The following TSEN2 variants were observed in gnomAD, a reference collection of about 807,000 sequenced individuals.
TSEN2 encodes the protein tRNA splicing endonuclease subunit 2.
In TSEN2, 54 loss-of-function variants were observed where a neutral mutation model predicts 59.2. That is an observed-to-expected ratio of 0.91 (90% confidence interval 0.73 to 1.14). TSEN2 has a LOEUF of 1.14. Among genes scored for constraint, TSEN2 ranks in the 50% most tolerant of loss-of-function variants. TSEN2 has a pLI of 0.00. For missense variants in TSEN2, 636 were observed against 576.2 expected (o/e 1.10, Z -1.06); for synonymous variants, 195 against 198.2 (o/e 0.98, Z 0.14).
intron 4 of TSEN2, among the ~76,000 whole-genome samples, chr3:12,498,505 A>G (rs567482723): frequency 1.2e-4 from 19 of 152,104 alleles, no homozygotes; most frequent in Non-Finnish European, 2.2e-4. Flanking sequence ...TCCCTTTGCC[A>G]TACTTTGATC....
chr3:12,494,413 TCTCA>T (rs2053536511), intron 3 of TSEN2, among the ~76,000 whole-genome samples: 1 of 151,862 alleles, frequency 6.6e-6, no homozygotes, highest in Non-Finnish European at 1.5e-5. Context: ...GAGACAAGAG[TCTCA>T]CTCACTCTGT....
At chr3:12,522,032 TAAAAAA>T (rs1471671915) in intron 8 of TSEN2, among the ~76,000 whole-genome samples, 2 of 152,024 alleles carry the variant, frequency 1.3e-5, no homozygotes, top group African/African-American at 4.8e-5. Context: ...AAAATAAAAA[TAAAAAA>T]TAAAAATTAA....
Position 12,529,035 on chromosome 3 carries a change from T to C in TSEN2, c.1136+111T>C. ...AACAAAAGTCATGTTCTTCCTGGCC[T>C]GATACGAATAGATGCTATATGTTCA... On this transcript the variant is annotated intron_variant, in intron 9 of 11. Coordinates refer to ENST00000284995, the MANE Select transcript of TSEN2 (RefSeq NM_025265.4). 3 of 1,073,210 alleles carry C rather than the reference T, an allele frequency of 2.8e-6. No homozygotes were observed. The South Asian group carries it at 3.7e-5, about 13-fold the overall frequency. The allele number at this position is 1,073,210 out of a possible 1,614,324, so 66.5% of individuals were successfully genotyped here. A position where few individuals can be genotyped will look rare whatever the true frequency, so the allele number is the denominator to read the frequency against.
At chr3:12,535,191 C>A (rs1465877019), downstream of TSEN2, among the ~76,000 whole-genome samples, 1 of 152,004 alleles carries the variant, frequency 6.6e-6, no homozygotes, top group African/African-American at 2.4e-5. Flanking sequence ...TCTCTCCTCC[C>A]CACCACCCAC....
At chr3:12,536,772 G>T (rs1472208790), downstream of TSEN2, among the ~76,000 whole-genome samples, 1 of 152,050 alleles carries the variant, frequency 6.6e-6, no homozygotes, top group African/African-American at 2.4e-5. Context: ...AGGCCGAGAC[G>T]GGTGGATTGC....
At position 12,503,753 on chromosome 3, in the gene TSEN2, T is replaced by C. The variant is rs2054539351; in HGVS notation, c.800T>C (p.Met267Thr). 6.2e-7 allele frequency: 1 copy of C among 1,614,024 alleles called. No homozygotes were observed. The highest frequency in any genetic ancestry group is 8.5e-7 in the Non-Finnish European group (1 of 1,180,016). ...CTGGTCGAGGAAGCGGAGTGTGCCA[T>C]GAGCGAGAGGGAGGCTGCCCCAAAT... The part of the protein sequence containing the change: ...YVLVEEAECA[M>T]SEREAAPNEE... The change falls in exon 5 of 12, where the codon ATG becomes ACG. Residue 267 changes from methionine to threonine, a missense_variant. By Grantham distance (81) the Met-to-Thr change is moderately conservative. Transcript: ENST00000284995.
chr3:12,481,797 C>T (rs563234679), upstream of TSEN2, among the ~76,000 whole-genome samples: 4 of 152,176 alleles, frequency 2.6e-5, no homozygotes, highest in East Asian at 5.8e-4. Flanking sequence ...TCTTGTATTT[C>T]TCCTGGAAAC....
At chr3:12,524,740 T>TC (rs111704316) in intron 8 of TSEN2, among the ~76,000 whole-genome samples, 1,273 of 37,816 alleles carry the variant, frequency 0.034, 17 homozygotes, top group African/African-American at 0.18. Flanking sequence ...CTTTGGTCTC[T>TC]TTTTTTTTTT....
chr3:12,505,233 T>TAC lies in TSEN2; in HGVS notation c.909+3_909+4insCA. Reference sequence around the variant, plus strand: ...TATTTGCAACTCAGCCTAGAAGAGGTATGTTTTCAACATATTATTATTTCA... The same window carrying TAC: ...TATTTGCAACTCAGCCTAGAAGAGGTACATGTTTTCAACATATTATTATTTCA... On this transcript the variant is annotated splice_region_variant and intron_variant, in intron 6 of 11. Coordinates refer to ENST00000284995, the MANE Select transcript of TSEN2 (RefSeq NM_025265.4). 1 of 1,594,040 alleles carries TAC rather than the reference T, an allele frequency of 6.3e-7. No individual in the cohort carries two copies. Among genetic ancestry groups the TAC allele is most frequent in the Non-Finnish European group, 8.6e-7 (1 of 1,161,726 alleles).
chr3:12,485,007 A>G (rs1473000494), intron 1 of TSEN2, 127 bp downstream of exon 1: 1 of 152,240 alleles, frequency 6.6e-6, no homozygotes, highest in East Asian at 1.9e-4. Flanking sequence ...GCCTTCTGCA[A>G]AATTATGCAT....
At chr3:12,491,869 A>G (rs1440609100) in intron 2 of TSEN2, among the ~76,000 whole-genome samples, 3 of 152,254 alleles carry the variant, frequency 2.0e-5, no homozygotes, top group African/African-American at 4.8e-5. Context: ...ATTAAACAAT[A>G]TAACAACTAT....
chr3:12,489,793 T>G lies in TSEN2; in HGVS notation c.-8T>G, dbSNP rs1195876711. On this transcript the variant is annotated 5_prime_UTR_variant, in exon 2 of 12. Transcript: ENST00000284995. ...TGTCTACTCTTTAAAGAATACCTCC[T>G]CTGAAAAATGGCAGAAGCAGTTTTC... The G allele has an allele frequency of 6.2e-7, 1 of 1,612,354 alleles. No individual in the cohort carries two copies. The highest frequency in any genetic ancestry group is 8.5e-7 in the Non-Finnish European group (1 of 1,179,904).
chr3:12,518,444 C>A (rs1405234171), intron 7 of TSEN2, among the ~76,000 whole-genome samples: 3 of 152,118 alleles, frequency 2.0e-5, no homozygotes, highest in Admixed American at 2.0e-4. Flanking sequence ...GAATGTCCTT[C>A]CCAGCCCACC....
intron 4 of TSEN2, among the ~76,000 whole-genome samples, chr3:12,498,070 CT>C (rs74552914): frequency 0.029 from 4,147 of 141,804 alleles, 167 homozygotes; most frequent in African/African-American, 0.093. Flanking sequence ...AAATTTTCCT[CT>C]TTTTTTTTTT....
chr3:12,518,397 A>G (rs575823541), intron 7 of TSEN2, among the ~76,000 whole-genome samples: 8 of 152,274 alleles, frequency 5.3e-5, no homozygotes, highest in Middle Eastern at 3.4e-3. Flanking sequence ...TGGGCTTGTT[A>G]CAGTGAGCCC....
chr3:12,512,751 T>A (rs981720336), intron 6 of TSEN2, among the ~76,000 whole-genome samples: 2 of 152,250 alleles, frequency 1.3e-5, no homozygotes, highest in African/African-American at 4.8e-5. Context: ...ATACTTTTTG[T>A]GAACCGGTCA....
At chr3:12,498,794 C>T (rs2125012836) in intron 4 of TSEN2, among the ~76,000 whole-genome samples, 1 of 152,282 alleles carries the variant, frequency 6.6e-6, no homozygotes, top group African/African-American at 2.4e-5. Context: ...CGTCCCCCAA[C>T]CAAAACCAAT....
intron 3 of TSEN2, among the ~76,000 whole-genome samples, chr3:12,494,063 A>G (rs781603506): frequency 1.3e-5 from 2 of 152,234 alleles, no homozygotes; most frequent in African/African-American, 2.4e-5. Flanking sequence ...TTGTCCCAGT[A>G]TATGCGTTTA....
intron 1 of TSEN2, among the ~76,000 whole-genome samples, chr3:12,486,890 G>C (rs575893354): frequency 6.6e-6 from 1 of 152,310 alleles, no homozygotes. Context: ...CTATGGCTAA[G>C]TATTTGATTA....
Sources: gnomAD v4.1 joint callset for allele counts (sites outside exome capture counted in the v4.1 genomes callset) on GRCh38, gnomAD v4.1.1 for gene constraint, MANE v1.5 for transcripts, NCBI Gene and HGNC (gene_info 2026-07-23, HGNC 2026-07-21) for gene names.